ARHGEF3: variants seen among roughly 807,000 people sequenced by gnomAD.
ARHGEF3 encodes 59.8 kDA protein.
Under a neutral mutation model 63.2 loss-of-function variants are expected in ARHGEF3, and 28 were observed. The observed-to-expected ratio is 0.44, with a 90% CI of 0.33 to 0.61. The LOEUF (loss-of-function observed/expected upper bound fraction) is 0.61, where lower values mean the gene tolerates loss of function less well. Ranked by LOEUF, ARHGEF3 falls within the 20% of genes least tolerant of loss-of-function variation. ARHGEF3 has a pLI of 0.03. For missense variants in ARHGEF3, 533 were observed against 659.3 expected (o/e 0.81, Z 2.10); for synonymous variants, 266 against 254.2 (o/e 1.05, Z -0.44).
intron 4 of ARHGEF3, among the ~76,000 whole-genome samples, chr3:56,845,198 A>T (rs901768474): frequency 2.0e-5 from 3 of 152,214 alleles, no homozygotes; most frequent in Non-Finnish European, 2.9e-5. Flanking sequence ...CTCAGATGAG[A>T]CCATAACCCT....
intron 3 of ARHGEF3, among the ~76,000 whole-genome samples, chr3:56,898,228 G>A (rs1282915737): frequency 1.3e-5 from 2 of 151,928 alleles, no homozygotes; most frequent in East Asian, 3.9e-4. Context: ...ATTTATTTAT[G>A]AGATGGAGTC....
At chr3:56,801,639 G>A in intron 1 of ARHGEF3, 64 bp downstream of exon 1, 1 of 1,529,526 alleles carries the variant, frequency 6.5e-7, no homozygotes, top group Non-Finnish European at 8.8e-7. Context: ...CCGAGAATGG[G>A]AGATGGAGGC....
rs538419584 is a variant in ARHGEF3 at position 56,926,205 on chromosome 3, A to AG, written c.129+32617dup. On this transcript the variant is annotated intron_variant, in intron 3 of 12. Transcript: ENST00000338458. Reference sequence around the variant, plus strand: ...GTATAGGAGTTGCCAGGCTGAGGAGAGGGGGGTCAGCGCAAAGGTGAGAAG... The same window carrying AG: ...GTATAGGAGTTGCCAGGCTGAGGAGAGGGGGGGTCAGCGCAAAGGTGAGAAG... Among the ~76,000 whole-genome samples the AG allele has an allele frequency of 5.9e-5, 9 of 152,156 alleles. No individual in the cohort carries two copies. The East Asian group carries it at 1.5e-3, about 26-fold the overall frequency.
chr3:56,934,765 T>C (rs1234973405), intron 3 of ARHGEF3, among the ~76,000 whole-genome samples: 1 of 152,234 alleles, frequency 6.6e-6, no homozygotes, highest in African/African-American at 2.4e-5. Context: ...CATGGGCTCC[T>C]GTGCGGCCCC....
At chr3:57,069,710 G>A (rs936762242) in intron 1 of ARHGEF3, among the ~76,000 whole-genome samples, 1 of 152,150 alleles carries the variant, frequency 6.6e-6, no homozygotes, top group African/African-American at 2.4e-5. Context: ...ATTAGTGTGA[G>A]CACAGCTCAT....
At chr3:56,792,479 A>C (rs1046113627) in intron 1 of ARHGEF3, among the ~76,000 whole-genome samples, 2 of 152,218 alleles carry the variant, frequency 1.3e-5, no homozygotes, top group African/African-American at 2.4e-5. Context: ...CCAGTTAAAT[A>C]GGAAAGGATG....
intron 3 of ARHGEF3, chr3:56,916,443 G>C (rs1347425138): frequency 5.6e-5 from 80 of 1,434,002 alleles, no homozygotes; most frequent in Non-Finnish European, 7.0e-5. Flanking sequence ...TTTCCCTGAA[G>C]GAACTCCTCC....
At chr3:56,996,337 T>G (rs1368042340) in intron 2 of ARHGEF3, among the ~76,000 whole-genome samples, 4 of 152,206 alleles carry the variant, frequency 2.6e-5, no homozygotes, top group Admixed American at 1.3e-4. Context: ...AATATAGTTA[T>G]TCCTTCCTCA....
At chr3:57,011,457 T>C (rs987528635) in intron 2 of ARHGEF3, among the ~76,000 whole-genome samples, 1 of 152,184 alleles carries the variant, frequency 6.6e-6, no homozygotes, top group African/African-American at 2.4e-5. Context: ...CTGGAGATAT[T>C]TTCTTTTGTT....
At chr3:56,944,568 CTTTTTT>C (rs1205155655) in intron 3 of ARHGEF3, among the ~76,000 whole-genome samples, 3 of 65,834 alleles carry the variant, frequency 4.6e-5, no homozygotes, top group African/African-American at 5.6e-5. Context: ...AAAGTGGTTT[CTTTTTT>C]TTTTTTTTTT....
chr3:57,025,689 T>A (rs73091911), intron 2 of ARHGEF3, among the ~76,000 whole-genome samples: 2 of 152,206 alleles, frequency 1.3e-5, no homozygotes, highest in Non-Finnish European at 2.9e-5. Context: ...ACCCTTGTTT[T>A]TGCTCCCTCT....
At chr3:56,920,425 G>A (rs78933623) in intron 3 of ARHGEF3, among the ~76,000 whole-genome samples, 9,687 of 152,196 alleles carry the variant, frequency 0.064, 409 homozygotes, top group African/African-American at 0.12. Context: ...ATATCTGAGG[G>A]TATTTTCTGT....
chr3:56,966,557 C>T (rs1700502746), intron 2 of ARHGEF3, among the ~76,000 whole-genome samples: 1 of 152,054 alleles, frequency 6.6e-6, no homozygotes, highest in African/African-American at 2.4e-5. Flanking sequence ...GTGGGCAAGG[C>T]TGGACAGGGA....
At chr3:56,879,585 G>C (rs775898687) in intron 4 of ARHGEF3, among the ~76,000 whole-genome samples, 1 of 151,376 alleles carries the variant, frequency 6.6e-6, no homozygotes, top group Non-Finnish European at 1.5e-5. Context: ...AAAATTGAGA[G>C]TTACTCATAT....
At chr3:57,074,568 A>G (rs534773801) in intron 1 of ARHGEF3, 249 of 335,512 alleles carry the variant, frequency 7.4e-4, no homozygotes, top group Non-Finnish European at 1.3e-3. Context: ...TTGATCAATC[A>G]ATCGATCAAT....
intron 2 of ARHGEF3, among the ~76,000 whole-genome samples, chr3:57,014,421 A>G (rs904080483): frequency 2.0e-5 from 3 of 152,076 alleles, no homozygotes; most frequent in African/African-American, 7.2e-5. Flanking sequence ...CACAACCTGG[A>G]CTCCCATATT....
chr3:56,991,265 C>T (rs565480497), intron 2 of ARHGEF3, among the ~76,000 whole-genome samples: 1 of 152,112 alleles, frequency 6.6e-6, no homozygotes, highest in Non-Finnish European at 1.5e-5. Context: ...GAGGATCCAA[C>T]CTTTCCCCAT....
chr3:56,993,703 T>G (rs1701854147), intron 2 of ARHGEF3, among the ~76,000 whole-genome samples: 2 of 151,460 alleles, frequency 1.3e-5, no homozygotes, highest in Admixed American at 6.6e-5. Context: ...TTAACCTTCC[T>G]GAGGTTCAGT....
At chr3:56,851,221 T>C (rs1054321156) in intron 4 of ARHGEF3, among the ~76,000 whole-genome samples, 5 of 152,112 alleles carry the variant, frequency 3.3e-5, no homozygotes, top group Non-Finnish European at 4.4e-5. Context: ...CAAAAGGCTA[T>C]TGAGTCCTCA....
Sources: gnomAD v4.1 joint callset for allele counts (sites outside exome capture counted in the v4.1 genomes callset) on GRCh38, gnomAD v4.1.1 for gene constraint, MANE v1.5 for transcripts, NCBI Gene and HGNC (gene_info 2026-07-23, HGNC 2026-07-21) for gene names.